Variants in TMEM132B observed in about 807,000 individuals in gnomAD.
TMEM132B encodes the protein transmembrane protein 132B.
TMEM132B carries 18 observed loss-of-function variants against 90.8 expected under a neutral mutation model. The ratio of observed to expected loss-of-function variants is 0.20; its 90% CI spans 0.14 to 0.29. TMEM132B has a LOEUF of 0.29. Among genes scored for constraint, TMEM132B ranks in the 10% least tolerant of loss-of-function variants. The probability of loss-of-function intolerance (pLI) is 1.00; values close to 1 mark genes in which losing one functional copy is unlikely to be tolerated. For missense variants in TMEM132B, 1,096 were observed against 1,326.8 expected (o/e 0.83, Z 2.70); for synonymous variants, 504 against 523.3 (o/e 0.96, Z 0.50).
chr12:125,410,212 G>GT (rs200972878), intron 2 of TMEM132B, among the ~76,000 whole-genome samples: 9 of 150 alleles, frequency 0.06, no homozygotes, highest in Non-Finnish European at 0.092. Flanking sequence ...GTGGAGTGGA[G>GT]GAGTGGAGTG....
chr12:125,563,598 C>CAAAAAAA (rs77003788), intron 4 of TMEM132B, among the ~76,000 whole-genome samples: 3 of 150,180 alleles, frequency 2.0e-5, no homozygotes, highest in East Asian at 2.0e-4. Flanking sequence ...AACAAACAAA[C>CAAAAAAA]AAAAAAAAAC....
intron 1 of TMEM132B, among the ~76,000 whole-genome samples, chr12:125,190,397 GGATGGGAAAGGGGTGGT>G (rs1440698889): frequency 1.6e-4 from 23 of 142,302 alleles, no homozygotes; most frequent in African/African-American, 5.7e-4. Flanking sequence ...GTGGTGATGG[GGATGGGAAAGGGGTGGT>G]GATGGGAAGA....
intron 1 of TMEM132B, among the ~76,000 whole-genome samples, chr12:125,189,535 G>T (rs893635670): frequency 6.6e-6 from 1 of 152,054 alleles, no homozygotes; most frequent in East Asian, 1.9e-4. Flanking sequence ...GATGGGGGGG[G>T]TGCCTGTGTG....
chr12:125,526,544 T>A (rs577738714), intron 4 of TMEM132B, among the ~76,000 whole-genome samples: 1 of 152,372 alleles, frequency 6.6e-6, no homozygotes, highest in East Asian at 1.9e-4. Flanking sequence ...GCCCACGCAG[T>A]GCCCCTGGTG....
chr12:125,304,487 T>G (rs908839474), intron 1 of TMEM132B, among the ~76,000 whole-genome samples: 4 of 152,216 alleles, frequency 2.6e-5, no homozygotes, highest in African/African-American at 9.7e-5. Context: ...TATAACACCC[T>G]TGAAAGATCA....
rs182122474 is a variant in TMEM132B, at chr12:125,420,178, T to G, written c.1106+4501T>G. Among the ~76,000 whole-genome samples, 167 of 152,350 alleles carry G rather than the reference T, an allele frequency of 1.1e-3. 1 individual carries two copies. The highest frequency in any genetic ancestry group is 3.6e-3 in the African/African-American group (149 of 41,586). On this transcript the variant is annotated intron_variant, in intron 3 of 8. Transcript: ENST00000682704. ...AGTAGCCCTCTTCTCACAGCTTCAC[T>G]AGGCAGCACCTCAGTGGGGACTCTG...
chr12:125,241,440 A>G (rs948910624), intron 1 of TMEM132B, among the ~76,000 whole-genome samples: 3 of 152,170 alleles, frequency 2.0e-5, no homozygotes, highest in Non-Finnish European at 2.9e-5. Flanking sequence ...TTCCATGCAC[A>G]TTCATGGACC....
chr12:125,289,392 A>G (rs780590407), intron 1 of TMEM132B, among the ~76,000 whole-genome samples: 1 of 152,222 alleles, frequency 6.6e-6, no homozygotes, highest in Non-Finnish European at 1.5e-5. Context: ...CCCACCTGCC[A>G]TGATCATCAT....
At chr12:125,298,647 C>T (rs538905007) in intron 1 of TMEM132B, among the ~76,000 whole-genome samples, 63 of 110,834 alleles carry the variant, frequency 5.7e-4, no homozygotes, top group African/African-American at 2.1e-3. Context: ...GCACTCCAGC[C>T]GGGGCGACAG....
At chr12:125,474,241 T>G (rs1881809371) in intron 3 of TMEM132B, among the ~76,000 whole-genome samples, 1 of 151,254 alleles carries the variant, frequency 6.6e-6, no homozygotes, top group African/African-American at 2.4e-5. Flanking sequence ...CTCTTCTCTT[T>G]TCTCTCTCCC....
rs548726164 is a variant in TMEM132B at position 125,492,210 on chromosome 12, C to T, written c.1107-27229C>T. Among the ~76,000 whole-genome samples the T allele has an allele frequency of 1.2e-4, 19 of 152,292 alleles. No individual in the cohort carries two copies. In the South Asian group the frequency reaches 3.7e-3, roughly 30 times the overall value. ...GGGGTACTGGGGCGCATAAGGGGCT[C>T]GCTGGCCACTTGTGCAAATGTTTCC... On this transcript the variant is annotated intron_variant, in intron 3 of 8. Coordinates refer to ENST00000682704, the MANE Select transcript of TMEM132B (RefSeq NM_001366854.1). The surrounding 1 kb of genome is among the most constrained non-coding windows in gnomAD (Gnocchi z 5.8).
At chr12:125,287,462 A>G (rs1287288103) in intron 1 of TMEM132B, among the ~76,000 whole-genome samples, 5 of 152,146 alleles carry the variant, frequency 3.3e-5, no homozygotes, top group African/African-American at 1.2e-4. Flanking sequence ...CTAAGTAACT[A>G]TTTTTAAAGG....
intron 1 of TMEM132B, among the ~76,000 whole-genome samples, chr12:125,343,579 G>T (rs557972604): frequency 6.6e-6 from 1 of 152,228 alleles, no homozygotes; most frequent in African/African-American, 2.4e-5. Context: ...GATAGAGCTG[G>T]TATGAATTCT....
intron 3 of TMEM132B, among the ~76,000 whole-genome samples, chr12:125,478,091 C>A (rs1052127341): frequency 6.6e-6 from 1 of 152,168 alleles, no homozygotes; most frequent in African/African-American, 2.4e-5. Context: ...AGGACATCCA[C>A]ACCAAAACCC....
At chr12:125,432,914 C>A (rs1197652480) in intron 3 of TMEM132B, among the ~76,000 whole-genome samples, 2 of 152,166 alleles carry the variant, frequency 1.3e-5, no homozygotes, top group Admixed American at 6.5e-5. Flanking sequence ...AGACACACTT[C>A]GTAGTTCACT....
chr12:125,374,049 C>T (rs1036048220), intron 2 of TMEM132B, among the ~76,000 whole-genome samples: 1 of 152,212 alleles, frequency 6.6e-6, no homozygotes, highest in Non-Finnish European at 1.5e-5. Context: ...TCTGCCTCAG[C>T]CTCCCAAAGT....
At chr12:125,477,821 G>T (rs1881928755) in intron 3 of TMEM132B, among the ~76,000 whole-genome samples, 2 of 152,138 alleles carry the variant, frequency 1.3e-5, no homozygotes, top group African/African-American at 4.8e-5. Flanking sequence ...TAACCTAACT[G>T]GGAGACACCT....
chr12:125,195,344 G>A (rs544356982), intron 1 of TMEM132B, among the ~76,000 whole-genome samples: 14 of 149,926 alleles, frequency 9.3e-5, no homozygotes, highest in Admixed American at 2.7e-4. Context: ...GTGCTGTGGA[G>A]AAATGGAGTG....
chr12:125,378,886 A>G (rs933395367), intron 2 of TMEM132B, among the ~76,000 whole-genome samples: 2 of 152,146 alleles, frequency 1.3e-5, no homozygotes, highest in African/African-American at 4.8e-5. Context: ...ATTTGCTCAT[A>G]TGGGGAGAAG....
Sources: allele counts gnomAD v4.1 joint callset (sites outside exome capture counted in the v4.1 genomes callset), GRCh38; gene constraint gnomAD v4.1.1; non-coding constraint Gnocchi (gnomAD v3.1); transcripts MANE v1.5; gene names NCBI Gene and HGNC (gene_info 2026-07-23, HGNC 2026-07-21).